AKT3: variants seen among roughly 807,000 people sequenced by gnomAD.
AKT3 encodes AKT serine/threonine kinase 3.
Under a neutral mutation model 65.3 loss-of-function variants are expected in AKT3, and 15 were observed. The ratio of observed to expected loss-of-function variants is 0.23; its 90% CI spans 0.15 to 0.35. AKT3 has a LOEUF of 0.35. AKT3 is among the 10% of genes least tolerant of loss of function. The pLI, the probability that AKT3 is intolerant of heterozygous loss-of-function variation, is 1.00. For missense variants in AKT3, 243 were observed against 576.5 expected (o/e 0.42, Z 5.92); for synonymous variants, 206 against 183.8 (o/e 1.12, Z -0.98).
At chr1:243,747,827 T>G (rs1407638939) in intron 2 of AKT3, among the ~76,000 whole-genome samples, 1 of 152,212 alleles carries the variant, frequency 6.6e-6, no homozygotes, top group Non-Finnish European at 1.5e-5. Flanking sequence ...ATAGGTTTCT[T>G]GCAAACATGG....
chr1:243,606,765 G>C (rs1000654206), intron 8 of AKT3, among the ~76,000 whole-genome samples: 3 of 152,232 alleles, frequency 2.0e-5, no homozygotes, highest in Non-Finnish European at 4.4e-5. Flanking sequence ...TCCCATCATA[G>C]GCCCAGAGGC....
intron 7 of AKT3, 31 bp from the exon 8 acceptor site, chr1:243,613,770 T>A: frequency 7.0e-7 from 1 of 1,425,208 alleles, no homozygotes; most frequent in South Asian, 1.3e-5. Flanking sequence ...AAATGTTACA[T>A]TATAATCCTG....
intron 2 of AKT3, among the ~76,000 whole-genome samples, chr1:243,732,772 T>C (rs746778414): frequency 6.6e-6 from 1 of 152,200 alleles, no homozygotes; most frequent in Non-Finnish European, 1.5e-5. Context: ...AAGCACTTGT[T>C]GCCTCTTTCA....
At chr1:243,545,096 C>T (rs1406944304) in intron 12 of AKT3, among the ~76,000 whole-genome samples, 1 of 152,060 alleles carries the variant, frequency 6.6e-6, no homozygotes, top group Non-Finnish European at 1.5e-5. Context: ...ATATTAAAAA[C>T]AAATTTCTTT....
chr1:243,720,999 C>T (rs1388888403), intron 2 of AKT3, among the ~76,000 whole-genome samples: 1 of 152,076 alleles, frequency 6.6e-6, no homozygotes, highest in African/African-American at 2.4e-5. Context: ...AGCCTCAGAA[C>T]CTGGATCTCT....
intron 2 of AKT3, among the ~76,000 whole-genome samples, chr1:243,778,531 A>G (rs1690699113): frequency 1.3e-5 from 2 of 152,218 alleles, no homozygotes; most frequent in Non-Finnish European, 2.9e-5. Context: ...GAAGTTGCAG[A>G]GTATCATCCT....
intron 1 of AKT3, among the ~76,000 whole-genome samples, chr1:243,844,596 C>G (rs901324214): frequency 2.6e-5 from 4 of 152,150 alleles, no homozygotes; most frequent in Admixed American, 6.5e-5. Flanking sequence ...CCACCTCAGC[C>G]TCCTGAGGAG....
chr1:243,722,085 A>G (rs554525261), intron 2 of AKT3, among the ~76,000 whole-genome samples: 3 of 152,218 alleles, frequency 2.0e-5, no homozygotes, highest in South Asian at 2.1e-4. Flanking sequence ...TCAGTTTTAC[A>G]GTCATTAAAA....
chr1:243,654,774 T>C (rs1681635693), intron 4 of AKT3, among the ~76,000 whole-genome samples: 1 of 152,202 alleles, frequency 6.6e-6, no homozygotes, highest in Non-Finnish European at 1.5e-5. Context: ...TTATATTTCA[T>C]TATTATTCCA....
intron 12 of AKT3, among the ~76,000 whole-genome samples, chr1:243,532,664 G>C (rs1019486014): frequency 6.6e-6 from 1 of 152,164 alleles, no homozygotes; most frequent in African/African-American, 2.4e-5. Flanking sequence ...TCCCTTCATA[G>C]AGCAAGTGAG....
intron 3 of AKT3, among the ~76,000 whole-genome samples, chr1:243,676,754 G>A (rs1683550147): frequency 6.6e-6 from 1 of 152,080 alleles, no homozygotes; most frequent in Non-Finnish European, 1.5e-5. Context: ...CAACATTCAT[G>A]TTAACAGTTT....
At chr1:243,643,545 T>C (rs1680594770) in intron 5 of AKT3, among the ~76,000 whole-genome samples, 1 of 152,240 alleles carries the variant, frequency 6.6e-6, no homozygotes, top group African/African-American at 2.4e-5. Flanking sequence ...ACATTTTCTT[T>C]TAATTCAAAC....
At chr1:243,650,544 T>A (rs758414834) in intron 4 of AKT3, among the ~76,000 whole-genome samples, 2 of 152,194 alleles carry the variant, frequency 1.3e-5, no homozygotes, top group Non-Finnish European at 2.9e-5. Flanking sequence ...TTTTAGGTCT[T>A]ACATTTAAGT....
intron 8 of AKT3, among the ~76,000 whole-genome samples, chr1:243,609,207 A>G (rs1276627075): frequency 1.3e-5 from 2 of 152,018 alleles, no homozygotes; most frequent in Middle Eastern, 3.2e-3. Context: ...TAATCCTACT[A>G]TACTCCAAGA....
chr1:243,817,208 A>G (rs1224118177), intron 2 of AKT3, among the ~76,000 whole-genome samples: 2 of 152,184 alleles, frequency 1.3e-5, no homozygotes, highest in Non-Finnish European at 2.9e-5. Flanking sequence ...GTGCACCCAT[A>G]GGAATGACTC....
chr1:243,638,340 G>A (rs1048598368), intron 5 of AKT3, among the ~76,000 whole-genome samples: 1 of 152,170 alleles, frequency 6.6e-6, no homozygotes, highest in Non-Finnish European at 1.5e-5. Context: ...GCTCTAAGAA[G>A]AATATCTTTA....
chr1:243,767,752 T>C (rs945002620), intron 2 of AKT3, among the ~76,000 whole-genome samples: 2 of 152,114 alleles, frequency 1.3e-5, no homozygotes, highest in African/African-American at 4.8e-5. Flanking sequence ...GAGTTGAAAA[T>C]TTTTGAAGCT....
intron 13 of AKT3, among the ~76,000 whole-genome samples, chr1:243,493,478 C>T (rs573620410): frequency 4.6e-5 from 7 of 152,208 alleles, no homozygotes; most frequent in African/African-American, 7.2e-5. Context: ...TCTGTGTCTG[C>T]TTTCTTATTT....
At position 243,528,787 on chromosome 1, in the gene AKT3, G is replaced by A. The variant is rs555078890; in HGVS notation, c.1252-16361C>T. Reference sequence around the variant, plus strand: ...GAACAGTGTTGTAATGAACATATGTGTGCATGTGTCTTTATGGCAGAAGAA... The same window carrying A: ...GAACAGTGTTGTAATGAACATATGTATGCATGTGTCTTTATGGCAGAAGAA... On this transcript the variant is annotated intron_variant, in intron 12 of 13. Transcript: ENST00000673466. Among the ~76,000 whole-genome samples, 120 of 152,300 alleles carry A rather than the reference G, an allele frequency of 7.9e-4. 1 individual carries two copies. Among genetic ancestry groups the A allele is most frequent in the Non-Finnish European group, 1.4e-3 (93 of 68,018 alleles).
Sources: gnomAD v4.1 joint callset for allele counts (sites outside exome capture counted in the v4.1 genomes callset) on GRCh38, gnomAD v4.1.1 for gene constraint, MANE v1.5 for transcripts, NCBI Gene and HGNC (gene_info 2026-07-23, HGNC 2026-07-21) for gene names.